Variants in GPC6 observed in about 807,000 individuals in gnomAD.
The protein encoded by GPC6 is glypican 6, also known as glypican-6.
Under a neutral mutation model 55.2 loss-of-function variants are expected in GPC6, and 14 were observed. The observed-to-expected ratio is 0.25, with a 90% CI of 0.17 to 0.40. The LOEUF is 0.40. Among genes scored for constraint, GPC6 ranks in the 10% least tolerant of loss-of-function variants. The pLI, the probability that GPC6 is intolerant of heterozygous loss-of-function variation, is 1.00. For missense variants in GPC6, 641 were observed against 708.5 expected (o/e 0.90, Z 1.08); for synonymous variants, 278 against 259.6 (o/e 1.07, Z -0.68).
chr13:93,830,783 T>C, intron 3 of GPC6: 2 of 510,552 alleles, frequency 3.9e-6, no homozygotes, highest in Admixed American at 3.4e-5. Context: ...ATGTTAATAC[T>C]TATCAGCAGT....
chr13:94,033,423 A>G (rs563448486), intron 4 of GPC6, among the ~76,000 whole-genome samples: 2 of 152,284 alleles, frequency 1.3e-5, no homozygotes, highest in South Asian at 4.1e-4. Context: ...TCTCATGGTA[A>G]TTTGTGCATT....
intron 3 of GPC6, among the ~76,000 whole-genome samples, chr13:93,926,524 T>C (rs2140350238): frequency 6.6e-6 from 1 of 152,322 alleles, no homozygotes; most frequent in South Asian, 2.1e-4. Flanking sequence ...AAAAATTGCT[T>C]AGGGCTATAA....
intron 2 of GPC6, among the ~76,000 whole-genome samples, chr13:93,600,883 G>C (rs912093001): frequency 2.8e-5 from 4 of 144,704 alleles, no homozygotes; most frequent in African/African-American, 5.1e-5. Flanking sequence ...CCAGGAGGCA[G>C]AGGTTGCAGT....
At chr13:93,851,903 G>A (rs1888415945) in intron 3 of GPC6, among the ~76,000 whole-genome samples, 1 of 151,616 alleles carries the variant, frequency 6.6e-6, no homozygotes, top group East Asian at 1.9e-4. Context: ...TGGGGATGAT[G>A]TACTTACCTG....
intron 1 of GPC6, among the ~76,000 whole-genome samples, chr13:93,312,426 A>G (rs1215829114): frequency 6.6e-6 from 1 of 152,198 alleles, no homozygotes; most frequent in Non-Finnish European, 1.5e-5. Context: ...TTATCTAAGC[A>G]AGAAAGCCTG....
intron 3 of GPC6, among the ~76,000 whole-genome samples, chr13:93,955,677 C>G (rs1026728839): frequency 7.2e-5 from 11 of 152,130 alleles, no homozygotes; most frequent in African/African-American, 2.7e-4. Flanking sequence ...GGAGGCTATT[C>G]TAGTAACATG....
intron 4 of GPC6, among the ~76,000 whole-genome samples, chr13:94,224,965 A>G (rs372929452): frequency 6.6e-6 from 1 of 152,136 alleles, no homozygotes; most frequent in Admixed American, 6.6e-5. Flanking sequence ...GAAATGCTTC[A>G]GGATCCTGAT....
chr13:93,973,268 T>C (rs1205995443), intron 3 of GPC6, among the ~76,000 whole-genome samples: 1 of 152,336 alleles, frequency 6.6e-6, no homozygotes, highest in East Asian at 1.9e-4. Context: ...GTGGTACTTA[T>C]GTATCTAAAC....
At chr13:93,776,485 G>A (rs142057366) in intron 2 of GPC6, among the ~76,000 whole-genome samples, 21 of 152,184 alleles carry the variant, frequency 1.4e-4, no homozygotes, top group Non-Finnish European at 2.6e-4. Flanking sequence ...CTCCAGAAGA[G>A]TGTCCATAGC....
intron 2 of GPC6, among the ~76,000 whole-genome samples, chr13:93,729,616 A>G (rs891640765): frequency 3.3e-5 from 5 of 152,228 alleles, no homozygotes; most frequent in Non-Finnish European, 7.3e-5. Context: ...CTCAATTTAC[A>G]GCAAAGTAGA....
At chr13:93,835,018 A>C (rs1887680228) in intron 3 of GPC6, among the ~76,000 whole-genome samples, 1 of 152,164 alleles carries the variant, frequency 6.6e-6, no homozygotes, top group Admixed American at 6.5e-5. Context: ...CATTGTGAGG[A>C]AGAGAGAGGG....
Position 93,827,723 on chromosome 13 carries a change from G to T in GPC6, c.320-2431G>T, listed in dbSNP as rs16949291. On this transcript the variant is annotated intron_variant, in intron 2 of 8. Transcript: ENST00000377047. ...AATCTAAGAAAATGTTATTTGAGCC[G>T]TATTTATTGAAATGTGATAACTTGG... is the stretch of plus-strand genomic sequence containing the variant. 1.1e-3 allele frequency among the ~76,000 whole-genome samples: 161 copies of T among 152,142 alleles called. 1 individual carries two copies. The highest frequency in any genetic ancestry group is 2.0e-3 in the Non-Finnish European group (138 of 67,990).
At chr13:93,220,711 A>G in the GPC6 span, among the ~76,000 whole-genome samples, 1 of 152,158 alleles carries the variant, frequency 6.6e-6, no homozygotes, top group Non-Finnish European at 1.5e-5. Flanking sequence ...TACATTTGTC[A>G]AGATTGTTCC....
intron 2 of GPC6, among the ~76,000 whole-genome samples, chr13:93,644,323 A>T (rs1880083057): frequency 6.6e-6 from 1 of 152,094 alleles, no homozygotes; most frequent in Non-Finnish European, 1.5e-5. Context: ...GTTTACCTTA[A>T]TGTAGTATTT....
Position 93,734,133 on chromosome 13 carries a change from T to A in GPC6, c.320-96021T>A, listed in dbSNP as rs540258565. Among the ~76,000 whole-genome samples, 12 of 152,190 alleles carry A rather than the reference T, an allele frequency of 7.9e-5. No individual in the cohort carries two copies. The South Asian group carries it at 2.5e-3, about 32-fold the overall frequency. ...GGGTTGAAAATGAAAATATTGTTGT[T>A]TTAGTAAAAACAAAAGTGTTTTGAA... On this transcript the variant is annotated intron_variant, in intron 2 of 8. Coordinates refer to ENST00000377047, the MANE Select transcript of GPC6 (RefSeq NM_005708.5).
intron 1 of GPC6, among the ~76,000 whole-genome samples, chr13:93,523,849 A>G (rs1881544952): frequency 6.6e-6 from 1 of 152,092 alleles, no homozygotes; most frequent in East Asian, 1.9e-4. Context: ...ATGGGAATCC[A>G]CATCTCCCCA....
intron 2 of GPC6, among the ~76,000 whole-genome samples, chr13:93,735,220 G>C (rs1883956404): frequency 6.6e-6 from 1 of 152,108 alleles, no homozygotes; most frequent in Admixed American, 6.5e-5. Context: ...TCTGTACCCA[G>C]GACTCCAAAG....
At chr13:93,966,391 G>A (rs1880044332) in intron 3 of GPC6, among the ~76,000 whole-genome samples, 1 of 152,164 alleles carries the variant, frequency 6.6e-6, no homozygotes, top group Non-Finnish European at 1.5e-5. Flanking sequence ...CCTTTACAGG[G>A]TAGACTTTTC....
At chr13:93,634,816 G>T (rs1195701407) in intron 2 of GPC6, among the ~76,000 whole-genome samples, 11 of 152,102 alleles carry the variant, frequency 7.2e-5, no homozygotes. Flanking sequence ...AGTGTTATGT[G>T]GTCAGTCGCA....
Sources: allele counts gnomAD v4.1 joint callset (sites outside exome capture counted in the v4.1 genomes callset), GRCh38; gene constraint gnomAD v4.1.1; transcripts MANE v1.5; gene names NCBI Gene and HGNC (gene_info 2026-07-23, HGNC 2026-07-21).